The following KLF12 variants were observed in gnomAD, a reference collection of about 807,000 sequenced individuals.
KLF12 encodes the protein Krueppel-like factor 12.
Under a neutral mutation model 37.8 loss-of-function variants are expected in KLF12, and 9 were observed. That is an observed-to-expected ratio of 0.24 (90% CI 0.14 to 0.42). The LOEUF (loss-of-function observed/expected upper bound fraction) is 0.42. KLF12 is among the 10% of genes least tolerant of loss of function. KLF12 has a pLI of 1.00. For missense variants in KLF12, 411 were observed against 516.0 expected (o/e 0.80, Z 1.97); for synonymous variants, 208 against 202.1 (o/e 1.03, Z -0.25).
intron 1 of KLF12, among the ~76,000 whole-genome samples, chr13:74,096,666 T>C (rs1876004272): frequency 6.6e-6 from 1 of 152,240 alleles, no homozygotes; most frequent in Admixed American, 6.5e-5. Context: ...ACTCTACCAG[T>C]GTCATTTTCC....
At chr13:73,745,124 C>A (rs1280918440) in intron 6 of KLF12, among the ~76,000 whole-genome samples, 1 of 152,096 alleles carries the variant, frequency 6.6e-6, no homozygotes, top group Non-Finnish European at 1.5e-5. Context: ...TTAATGCATC[C>A]GTATTCATTG....
chr13:73,852,629 T>C (rs1388179070), intron 3 of KLF12, among the ~76,000 whole-genome samples: 1 of 151,718 alleles, frequency 6.6e-6, no homozygotes, highest in Non-Finnish European at 1.5e-5. Flanking sequence ...ATACAAAAAT[T>C]AGCCGGGCGT....
chr13:73,782,125 C>T (rs1161738243), intron 5 of KLF12, among the ~76,000 whole-genome samples: 2 of 152,156 alleles, frequency 1.3e-5, no homozygotes, highest in African/African-American at 4.8e-5. Context: ...GACTCTAGAC[C>T]AGACTGCCGG....
the KLF12 span, among the ~76,000 whole-genome samples, chr13:74,232,575 T>C: frequency 6.6e-6 from 1 of 152,228 alleles, no homozygotes; most frequent in Non-Finnish European, 1.5e-5. Context: ...AGAAATTTAC[T>C]TTACATTCAA....
chr13:74,270,197 C>T, the KLF12 span, among the ~76,000 whole-genome samples: 1 of 152,114 alleles, frequency 6.6e-6, no homozygotes, highest in Non-Finnish European at 1.5e-5. Flanking sequence ...GTTCAGATCA[C>T]ACCTGATAGT....
chr13:73,769,894 T>C (rs1311138658), intron 5 of KLF12, among the ~76,000 whole-genome samples: 3 of 149,294 alleles, frequency 2.0e-5, no homozygotes, highest in African/African-American at 7.3e-5. Flanking sequence ...CAATGAAATC[T>C]TTCTTGTAGG....
chr13:74,118,953 C>T (rs1325982032), intron 1 of KLF12, among the ~76,000 whole-genome samples: 1 of 152,118 alleles, frequency 6.6e-6, no homozygotes, highest in Non-Finnish European at 1.5e-5. Context: ...AAAAGGAAGA[C>T]AATAATAATA....
At chr13:73,939,973 A>T (rs952383438) in intron 3 of KLF12, among the ~76,000 whole-genome samples, 10 of 152,014 alleles carry the variant, frequency 6.6e-5, no homozygotes, top group African/African-American at 1.7e-4. Context: ...CATCTCCAGC[A>T]CCCCCACTGT....
chr13:74,134,186 A>AGAG (rs1555275257), upstream of KLF12, among the ~76,000 whole-genome samples: 1 of 104,134 alleles, frequency 9.6e-6, no homozygotes, highest in African/African-American at 3.7e-5. Flanking sequence ...GGGTGCTGTG[A>AGAG]GGGGGGGGGC....
the KLF12 span, among the ~76,000 whole-genome samples, chr13:74,227,594 G>C: frequency 1.3e-5 from 2 of 152,066 alleles, no homozygotes; most frequent in South Asian, 2.1e-4. Flanking sequence ...TTGCTTAAAG[G>C]TTTAACTCTT....
At chr13:74,248,921 G>A in the KLF12 span, among the ~76,000 whole-genome samples, 1 of 152,138 alleles carries the variant, frequency 6.6e-6, no homozygotes. Context: ...GAAGGGTGGG[G>A]TACAGTGAAA....
intron 4 of KLF12, among the ~76,000 whole-genome samples, chr13:73,843,641 C>T (rs1397009539): frequency 6.6e-6 from 1 of 152,090 alleles, no homozygotes; most frequent in Non-Finnish European, 1.5e-5. Context: ...CAATAATCTT[C>T]TAGGCTAGAT....
At chr13:74,090,396 T>A (rs1028547707) in intron 1 of KLF12, among the ~76,000 whole-genome samples, 3 of 152,124 alleles carry the variant, frequency 2.0e-5, no homozygotes, top group Admixed American at 6.6e-5. Flanking sequence ...TCTTTCATTA[T>A]CAACATCCCA....
intron 2 of KLF12, among the ~76,000 whole-genome samples, chr13:73,946,526 T>C (rs1025380064): frequency 1.3e-5 from 2 of 152,224 alleles, no homozygotes; most frequent in African/African-American, 4.8e-5. Flanking sequence ...TTTATATTGT[T>C]CTTGAATAAT....
intron 3 of KLF12, among the ~76,000 whole-genome samples, chr13:73,852,754 G>T (rs1885397688): frequency 6.6e-6 from 1 of 152,064 alleles, no homozygotes; most frequent in Admixed American, 6.5e-5. Context: ...TCCAGCCTGG[G>T]TGACAGAGCG....
At chr13:73,789,963 A>C (rs1355298925) in intron 5 of KLF12, among the ~76,000 whole-genome samples, 1 of 152,178 alleles carries the variant, frequency 6.6e-6, no homozygotes, top group Non-Finnish European at 1.5e-5. Flanking sequence ...GGTGTGAGCC[A>C]CCGTGCCTGG....
At chr13:74,147,714 G>A in the KLF12 span, among the ~76,000 whole-genome samples, 2 of 151,976 alleles carry the variant, frequency 1.3e-5, no homozygotes, top group Admixed American at 6.5e-5. Context: ...TTTTCCCTAA[G>A]AAAACAGAAG....
the KLF12 span, among the ~76,000 whole-genome samples, chr13:74,210,536 A>G: frequency 6.6e-6 from 1 of 152,154 alleles, no homozygotes; most frequent in African/African-American, 2.4e-5. Context: ...ACTGTTTTTA[A>G]TCTGTGAGAC....
intron 5 of KLF12, among the ~76,000 whole-genome samples, chr13:73,769,742 C>CA (rs1456688183): frequency 1.3e-5 from 2 of 152,136 alleles, no homozygotes; most frequent in Non-Finnish European, 2.9e-5. Context: ...TTCTCAATTT[C>CA]AAAAATGTTG....
Sources: gnomAD v4.1 joint callset for allele counts (sites outside exome capture counted in the v4.1 genomes callset) on GRCh38, gnomAD v4.1.1 for gene constraint, MANE v1.5 for transcripts, NCBI Gene and HGNC (gene_info 2026-07-23, HGNC 2026-07-21) for gene names.